SCN11A: variants seen among roughly 807,000 people sequenced by gnomAD.
SCN11A encodes the protein sodium channel protein type 11 subunit alpha.
In SCN11A, 122 loss-of-function variants were observed where a neutral mutation model predicts 162.2. The ratio of observed to expected loss-of-function variants is 0.75; its 90% CI spans 0.65 to 0.87. The LOEUF is 0.87. Ranked by LOEUF, SCN11A falls within the 40% of genes least tolerant of loss-of-function variation. The probability of loss-of-function intolerance (pLI) is 0.00; values close to 1 mark genes in which losing one functional copy is unlikely to be tolerated. For synonymous variants in SCN11A, 758 were observed against 751.5 expected (o/e 1.01, Z -0.14); for missense variants, 2,015 against 2,181.6 (o/e 0.92, Z 1.52).
chr3:38,872,204 C>T lies in SCN11A; in HGVS notation c.3484G>A (p.Glu1162Lys). Residue 1162 changes from glutamate (E) to lysine (K), a missense_variant, in exon 24 of 30, where the codon GAA (glutamate) becomes AAA (lysine). Glu to Lys is a moderately conservative substitution (Grantham distance 56). Transcript: ENST00000302328. ...LRPLRALSQF[E>K]GMKVVVNALI... ...TCTGCAGAATGTACCTTCATTCCTT[C>T]AAACTGGGACAGCGCACGAAGAGGC... is the stretch of plus-strand genomic sequence containing the variant. 1 of 1,591,984 alleles carries T rather than the reference C, an allele frequency of 6.3e-7. No homozygotes were observed. Among genetic ancestry groups the T allele is most frequent in the Non-Finnish European group, 8.6e-7 (1 of 1,160,116 alleles).
Position 38,899,908 on chromosome 3 carries a change from G to C in SCN11A, c.2008C>G (p.Arg670Gly), listed in dbSNP as rs760681852. ...VLQKRSWPFL[R>G]SFRVLRVFKL... is the part of the protein sequence containing the mutation. Reference sequence around the variant, plus strand: ...AAGTGCCTTACCACTCTGAAGGAACGCAAGAATGGCCAGCTTCTCTTTTGA... The same window carrying C: ...AAGTGCCTTACCACTCTGAAGGAACCCAAGAATGGCCAGCTTCTCTTTTGA... The change falls in exon 17 of 30, where the codon CGT becomes GGT. Residue 670 changes from arginine to glycine, a missense_variant. By Grantham distance (125) the Arg-to-Gly change is moderately radical. Transcript: ENST00000302328. 4 of 1,613,446 alleles carry C rather than the reference G, an allele frequency of 2.5e-6. No individual in the cohort carries two copies. The African/African-American group carries it at 5.3e-5, about 22-fold the overall frequency.
chr3:38,974,610 G>A (rs1322001791), intron 2 of SCN11A, among the ~76,000 whole-genome samples: 1 of 150,606 alleles, frequency 6.6e-6, no homozygotes, highest in Non-Finnish European at 1.5e-5. Flanking sequence ...CAGGAGAATG[G>A]CGTGAACCTG....
chr3:38,999,721 T>C (rs892909262), intron 2 of SCN11A, among the ~76,000 whole-genome samples: 2 of 152,026 alleles, frequency 1.3e-5, no homozygotes, highest in African/African-American at 4.8e-5. Flanking sequence ...TGGGTGGGAG[T>C]AGATGCCAGT....
intron 1 of SCN11A, among the ~76,000 whole-genome samples, chr3:39,035,278 C>A (rs1040236467): frequency 1.3e-5 from 2 of 152,084 alleles, no homozygotes; most frequent in Admixed American, 6.5e-5. Context: ...AATAGAGAAT[C>A]CAGAAATAAA....
chr3:38,968,152 G>A (rs1228746718), intron 2 of SCN11A, among the ~76,000 whole-genome samples: 1 of 152,220 alleles, frequency 6.6e-6, no homozygotes, highest in Admixed American at 6.5e-5. Context: ...TGCAGTTGTT[G>A]CTAGTCTACA....
Position 38,885,293 on chromosome 3 carries a change from G to A in SCN11A, c.3059C>T (p.Pro1020Leu), listed in dbSNP as rs1378748266. 1 of 1,592,184 alleles carries A rather than the reference G, an allele frequency of 6.3e-7. No individual in the cohort carries two copies. Among genetic ancestry groups the A allele is most frequent in the Admixed American group, 1.7e-5 (1 of 59,966 alleles). The change falls in exon 21 of 30, where the codon CCC becomes CTC. Residue 1020 changes from proline (P) to leucine (L), a missense_variant. Physicochemically the swap from Pro to Leu is moderately conservative, Grantham distance 98. Transcript: ENST00000302328. Reference sequence around the variant, plus strand: ...GCAGAAATACTGCCACTTACCTTTGGGCAAACATCTCTCTGGTTGCTTTTT... The same window carrying A: ...GCAGAAATACTGCCACTTACCTTTGAGCAAACATCTCTCTGGTTGCTTTTT... ...VPKKQPERCLPKGFGCCFPCC... is the reference protein window; with the variant it reads ...VPKKQPERCLLKGFGCCFPCC...
chr3:38,951,460 G>C (rs1032334370), intron 4 of SCN11A, among the ~76,000 whole-genome samples: 16 of 152,346 alleles, frequency 1.1e-4, no homozygotes, highest in African/African-American at 3.6e-4. Context: ...CTGTGCGGCC[G>C]GAGCCTCCCC....
chr3:38,955,945 C>T (rs1246700019), intron 3 of SCN11A, among the ~76,000 whole-genome samples: 1 of 152,182 alleles, frequency 6.6e-6, no homozygotes, highest in African/African-American at 2.4e-5. Context: ...ATGTAACAAA[C>T]CTGCACGTTC....
In SCN11A at chr3:38,880,071, T is replaced by C. The variant is rs549567405; in HGVS notation, c.3272A>G (p.Asn1091Ser). Residue 1091 changes from asparagine to serine, a missense_variant, in exon 23 of 30, where the codon AAT becomes AGT. Coordinates refer to ENST00000302328, the MANE Select transcript of SCN11A (RefSeq NM_001349253.2). ...ATGTGTAAAAATAATGTCAGTACAA[T>C]TTAGTAATTCTTGGATTTTGGGTTG... ...ENQPKIQELL[N>S]CTDIIFTHIF... is the part of the protein sequence containing the mutation. 1.1e-5 allele frequency: 18 copies of C among 1,611,110 alleles called. No individual in the cohort carries two copies. Among genetic ancestry groups the C allele is most frequent in the Non-Finnish European group, 1.4e-5 (17 of 1,177,788 alleles).
chr3:38,949,556 A>T (rs2125576296), intron 5 of SCN11A, among the ~76,000 whole-genome samples: 1 of 152,336 alleles, frequency 6.6e-6, no homozygotes, highest in Admixed American at 6.5e-5. Flanking sequence ...AAAGCCTATT[A>T]TCCAAGAGTT....
intron 2 of SCN11A, among the ~76,000 whole-genome samples, chr3:39,010,092 A>G (rs993563240): frequency 3.3e-5 from 5 of 152,136 alleles, no homozygotes; most frequent in Admixed American, 6.5e-5. Context: ...AAGTTGTCAA[A>G]AAAGAGCTAA....
intron 23 of SCN11A, among the ~76,000 whole-genome samples, chr3:38,874,880 T>A (rs1049764095): frequency 6.6e-5 from 10 of 152,354 alleles, no homozygotes; most frequent in African/African-American, 2.4e-4. Context: ...ATAAAAGTTT[T>A]ACTACATTTT....
intron 7 of SCN11A, among the ~76,000 whole-genome samples, chr3:38,934,490 G>A (rs1315923411): frequency 6.6e-6 from 1 of 152,174 alleles, no homozygotes; most frequent in Non-Finnish European, 1.5e-5. Flanking sequence ...CCCATCTCAT[G>A]TGCAGAGACA....
At chr3:38,937,357 C>T (rs1422445446) in intron 7 of SCN11A, among the ~76,000 whole-genome samples, 2 of 149,892 alleles carry the variant, frequency 1.3e-5, no homozygotes, top group African/African-American at 2.5e-5. Context: ...GCAACAAAAG[C>T]CAAAATTGAC....
chr3:39,005,219 T>C (rs1427910311), intron 2 of SCN11A, among the ~76,000 whole-genome samples: 1 of 152,232 alleles, frequency 6.6e-6, no homozygotes, highest in Non-Finnish European at 1.5e-5. Context: ...GGCCCAGGCC[T>C]GGTTTCAGGC....
intron 2 of SCN11A, among the ~76,000 whole-genome samples, chr3:38,980,067 G>C (rs1559563026): frequency 6.6e-6 from 1 of 152,156 alleles, no homozygotes; most frequent in Non-Finnish European, 1.5e-5. Flanking sequence ...AGGGGACCAG[G>C]CAGAAGGAGA....
chr3:38,853,621 G>C (rs1002079101), intron 28 of SCN11A, among the ~76,000 whole-genome samples: 2 of 152,122 alleles, frequency 1.3e-5, no homozygotes, highest in African/African-American at 4.8e-5. Flanking sequence ...AATAATTACT[G>C]AGAACACATT....
intron 1 of SCN11A, among the ~76,000 whole-genome samples, chr3:39,043,644 C>CAG (rs2032112052): frequency 6.6e-6 from 1 of 150,566 alleles, no homozygotes; most frequent in Non-Finnish European, 1.5e-5. Flanking sequence ...CTCATGGATA[C>CAG]AGAGAATAGA....
At chr3:38,990,664 G>C (rs1202303560) in intron 2 of SCN11A, among the ~76,000 whole-genome samples, 2 of 152,150 alleles carry the variant, frequency 1.3e-5, no homozygotes, top group Non-Finnish European at 2.9e-5. Context: ...CAAATCCTGT[G>C]CAAGCCCTTT....
Sources: gnomAD v4.1 joint callset for allele counts (sites outside exome capture counted in the v4.1 genomes callset) on GRCh38, gnomAD v4.1.1 for gene constraint, MANE v1.5 for transcripts, NCBI Gene and HGNC (gene_info 2026-07-23, HGNC 2026-07-21) for gene names.